STRAP: variants seen among roughly 807,000 people sequenced by gnomAD.
The protein encoded by STRAP is serine-threonine kinase receptor-associated protein.
A neutral mutation model predicts 47.0 loss-of-function variants in STRAP; 16 were observed. The observed-to-expected ratio is 0.34, with a 90% CI of 0.23 to 0.52. STRAP has a LOEUF of 0.52. Ranked by LOEUF, STRAP falls within the 20% of genes least tolerant of loss-of-function variation. The probability of loss-of-function intolerance (pLI) is 0.96; values close to 1 mark genes in which losing one functional copy is unlikely to be tolerated. For missense variants in STRAP, 293 were observed against 420.0 expected (o/e 0.70, Z 2.64); for synonymous variants, 130 against 142.7 (o/e 0.91, Z 0.63).
At chr12:15,889,857 T>C in intron 2 of STRAP, 71 bp from the exon 3 acceptor site, 1 of 1,255,988 alleles carries the variant, frequency 8.0e-7, no homozygotes, top group South Asian at 1.3e-5. Flanking sequence ...TCATCAATAT[T>C]ATAATTGTAT....
chr12:15,893,599 T>C (rs1478738373), intron 4 of STRAP, among the ~76,000 whole-genome samples: 4 of 145,932 alleles, frequency 2.7e-5, no homozygotes, highest in Non-Finnish European at 6.1e-5. Flanking sequence ...TATTATACAA[T>C]AATATTTGTA....
chr12:15,883,092 A>G (rs1315680366), intron 1 of STRAP: 8 of 1,535,628 alleles, frequency 5.2e-6, no homozygotes, highest in Non-Finnish European at 6.1e-6. Context: ...GGAGCTGGTC[A>G]GCATTTGCCT....
At chr12:15,885,479 G>T (rs988138687) in intron 2 of STRAP, among the ~76,000 whole-genome samples, 2 of 133,214 alleles carry the variant, frequency 1.5e-5, no homozygotes, top group Admixed American at 1.6e-4. Context: ...GTGAGCCACC[G>T]TGCCTGGCCT....
chr12:15,898,069 C>G (rs1310651416), intron 7 of STRAP, 51 bp downstream of exon 7: 4 of 1,510,754 alleles, frequency 2.6e-6, no homozygotes, highest in Non-Finnish European at 3.6e-6. Context: ...ATGTTAAGTC[C>G]CAGTAATTAA....
rs1347620825 is a variant in STRAP, at chr12:15,890,056, T to C, written c.330+47T>C. ...TTTAGCGAGTTAAGTTGCTGGTACA[T>C]AGTGTGATAATGCTTTTATACTTGA... On this transcript the variant is annotated intron_variant, in intron 3 of 9. Coordinates refer to ENST00000419869, the MANE Select transcript of STRAP (RefSeq NM_007178.4). This position sits in a 1 kb window ranked among gnomAD's most constrained non-coding sequence, Gnocchi z 4.5. 2.6e-6 allele frequency: 4 copies of C among 1,512,916 alleles called. No individual in the cohort carries two copies. In the Admixed American group the frequency reaches 6.7e-5, roughly 25 times the overall value. The allele number at this position is 1,512,916 out of a possible 1,614,324, so 93.7% of individuals were successfully genotyped here.
At chr12:15,901,860 CAAA>C (rs71042273) in intron 9 of STRAP, among the ~76,000 whole-genome samples, 15 of 87,744 alleles carry the variant, frequency 1.7e-4, no homozygotes, top group Middle Eastern at 5.3e-3. Context: ...GACTCTGTCT[CAAA>C]AAAAAAAAAA....
At position 15,902,373 on chromosome 12, in the gene STRAP, TG is replaced by T. The variant is rs367972748; in HGVS notation, c.992-539del. Among the ~76,000 whole-genome samples the T allele has an allele frequency of 3.7e-3, 561 of 152,038 alleles. 5 individuals are homozygous for T. Among genetic ancestry groups the T allele is most frequent in the African/African-American group, 0.012 (511 of 41,468 alleles). The stretch of plus-strand genomic sequence containing the variant: ...TTGTTAGAATTGTGAGATTGATGAG[TG>T]GGGGTATCATGAGGAAGAAATATGC... On this transcript the variant is annotated intron_variant, in intron 9 of 9. Coordinates refer to ENST00000419869, the MANE Select transcript of STRAP (RefSeq NM_007178.4).
At chr12:15,899,328 C>T (rs1025142464) in intron 7 of STRAP, among the ~76,000 whole-genome samples, 1 of 152,194 alleles carries the variant, frequency 6.6e-6, no homozygotes, top group African/African-American at 2.4e-5. Context: ...AAAGGTACTA[C>T]TTGAATATAA....
chr12:15,900,092 G>A, intron 8 of STRAP, 39 bp downstream of exon 8: 2 of 1,561,810 alleles, frequency 1.3e-6, no homozygotes, highest in East Asian at 2.3e-5. Context: ...TTTTTAAAAT[G>A]CATGATTTTA....
chr12:15,883,433 A>G, intron 1 of STRAP, 108 bp from the exon 2 acceptor site: 1 of 1,303,442 alleles, frequency 7.7e-7, no homozygotes, highest in Non-Finnish European at 1.0e-6. Flanking sequence ...AAATAGCTGA[A>G]ACAATTTTTC....
At chr12:15,891,224 A>T (rs892412478) in intron 4 of STRAP, among the ~76,000 whole-genome samples, 1 of 152,136 alleles carries the variant, frequency 6.6e-6, no homozygotes, top group African/African-American at 2.4e-5. Flanking sequence ...TATTATGGCA[A>T]ATTTTTATCA....
At chr12:15,901,116 ATATT>A (rs1948099781) in intron 9 of STRAP, 104 bp downstream of exon 9, 1 of 769,264 alleles carries the variant, frequency 1.3e-6, no homozygotes, top group South Asian at 3.0e-5. Flanking sequence ...AAATATGAAC[ATATT>A]TAAATAATGG....
intron 7 of STRAP, 50 bp downstream of exon 7, chr12:15,898,068 C>A: frequency 2.7e-6 from 4 of 1,507,342 alleles, no homozygotes; most frequent in Non-Finnish European, 2.7e-6. Flanking sequence ...TATGTTAAGT[C>A]CCAGTAATTA....
rs1948097670 is a variant in STRAP, at chr12:15,900,890, C to G, written c.926-57C>G. On this transcript the variant is annotated intron_variant, in intron 8 of 9. Coordinates refer to ENST00000419869, the MANE Select transcript of STRAP (RefSeq NM_007178.4). ...TGTTGCTCTTCTTGCTTATTGAACA[C>G]TGGAAATTACTTTAATAGTGTAAGT... 4.3e-6 allele frequency: 6 copies of G among 1,388,300 alleles called. No individual in the cohort carries two copies. In the East Asian group the frequency reaches 1.6e-4, roughly 36 times the overall value. 86.0% of individuals were successfully genotyped at this position (1,388,300 alleles called of 1,614,324 possible). A position where few individuals can be genotyped will look rare whatever the true frequency, so the allele number is the denominator to read the frequency against.
Position 15,889,955 on chromosome 12 carries a change from T to C in STRAP, c.276T>C (p.Asp92=). 2 of 1,613,830 alleles carry C rather than the reference T, an allele frequency of 1.2e-6. No individual in the cohort carries two copies. Among genetic ancestry groups the C allele is most frequent in the Non-Finnish European group, 1.7e-6 (2 of 1,179,838 alleles). ...TAKVWDAVSG[D]ELMTLAHKHI... is the part of the protein sequence containing the mutation. ...AAGTGTGGGATGCTGTCTCAGGAGA[T>C]GAATTGATGACCCTGGCTCATAAAC... is the stretch of plus-strand genomic sequence containing the variant. Residue 92 remains aspartate, a synonymous_variant, in exon 3 of 10, where the codon GAT becomes GAC. Coordinates refer to ENST00000419869, the MANE Select transcript of STRAP (RefSeq NM_007178.4).
Position 15,882,972 on chromosome 12 carries a change from AAGG to A in STRAP, c.112+156_112+158del, listed in dbSNP as rs1591981543. Reference sequence around the variant, plus strand: ...AGAGCCAACACTGGTCCGGTGGAGAAAGGAGTGTGTTAGGGAATCCGCAGCTGG... The same window carrying A: ...AGAGCCAACACTGGTCCGGTGGAGAAAGTGTGTTAGGGAATCCGCAGCTGG... On this transcript the variant is annotated intron_variant, in intron 1 of 9. Transcript: ENST00000419869. 2.2e-6 allele frequency: 3 copies of A among 1,379,876 alleles called. No individual in the cohort carries two copies. The East Asian group carries it at 7.5e-5, about 34-fold the overall frequency. The allele number at this position is 1,379,876 out of a possible 1,614,324, so 85.5% of individuals were successfully genotyped here. A position where few individuals can be genotyped will look rare whatever the true frequency, so the allele number is the denominator to read the frequency against.
chr12:15,882,636 A>G lies in STRAP; in HGVS notation c.-72A>G, dbSNP rs1947931187. ...GCGGGGGCCTGGAGCAGCCCGAGGC[A>G]CTGCAGCAGAAGAGAGAAAAGACAA... On this transcript the variant is annotated 5_prime_UTR_variant, in exon 1 of 10. Coordinates refer to ENST00000419869, the MANE Select transcript of STRAP (RefSeq NM_007178.4). 1 of 1,272,330 alleles carries G rather than the reference A, an allele frequency of 7.9e-7. No homozygotes were observed. The highest frequency in any genetic ancestry group is 1.3e-5 in the South Asian group (1 of 79,944). 78.8% of individuals were successfully genotyped at this position (1,272,330 alleles called of 1,614,324 possible). A position where few individuals can be genotyped will look rare whatever the true frequency, so the allele number is the denominator to read the frequency against.
intron 6 of STRAP, among the ~76,000 whole-genome samples, chr12:15,897,122 A>G (rs983959173): frequency 3.9e-5 from 6 of 152,210 alleles, no homozygotes; most frequent in Admixed American, 3.9e-4. Flanking sequence ...GCAAGTTGCT[A>G]TGTAGTGATC....
rs1417472231 is a variant in STRAP, at chr12:15,882,752, A to G, written c.45A>G (p.Arg15=). 5 of 1,613,144 alleles carry G rather than the reference A, an allele frequency of 3.1e-6. No homozygotes were observed. The South Asian group carries it at 4.4e-5, about 14-fold the overall frequency. ...QTPLTCSGHT[R]PVVDLAFSGI... ...CGCTCACCTGCTCTGGCCACACGCG[A>G]CCCGTGGTTGATTTGGCCTTCAGTG... Residue 15 remains arginine (R), a synonymous_variant, in exon 1 of 10, where the codon CGA becomes CGG. Coordinates refer to ENST00000419869, the MANE Select transcript of STRAP (RefSeq NM_007178.4).
Sources: allele counts gnomAD v4.1 joint callset (sites outside exome capture counted in the v4.1 genomes callset), GRCh38; gene constraint gnomAD v4.1.1; non-coding constraint Gnocchi (gnomAD v3.1); transcripts MANE v1.5; gene names NCBI Gene and HGNC (gene_info 2026-07-23, HGNC 2026-07-21).